The following DPP10 variants were observed in gnomAD, a reference collection of about 807,000 sequenced individuals.
The protein encoded by DPP10 is inactive dipeptidyl peptidase 10.
In DPP10, 33 loss-of-function variants were observed where a neutral mutation model predicts 120.9. That is an observed-to-expected ratio of 0.27 (90% CI 0.21 to 0.37). The LOEUF (loss-of-function observed/expected upper bound fraction) is 0.37, where lower values mean the gene tolerates loss of function less well. DPP10 is among the 10% of genes least tolerant of loss of function. DPP10 has a pLI of 1.00. For missense variants in DPP10, 816 were observed against 942.8 expected (o/e 0.87, Z 1.76); for synonymous variants, 337 against 326.1 (o/e 1.03, Z -0.36).
Position 115,753,291 on chromosome 2 carries a change from T to C in DPP10, c.1068T>C (p.Cys356=). The C allele has an allele frequency of 6.3e-7, 1 of 1,596,310 alleles. No individual in the cohort carries two copies. Among genetic ancestry groups the C allele is most frequent in the Non-Finnish European group, 8.5e-7 (1 of 1,170,376 alleles). ...TCTGTGAGACCACTACAGGTGCTTGTAGTAAAGTGAGTATAATTTATTTTT... is the reference window on the plus strand; with the variant it reads ...TCTGTGAGACCACTACAGGTGCTTGCAGTAAAGTGAGTATAATTTATTTTT... ...LTVCETTTGA[C]SKKYEMTSDT... The change falls in exon 11 of 26, where the codon TGT becomes TGC. Residue 356 remains cysteine (C), a synonymous_variant. Coordinates refer to ENST00000410059, the MANE Select transcript of DPP10 (RefSeq NM_020868.6).
At chr2:115,704,039 A>G (rs2091998018) in intron 7 of DPP10, among the ~76,000 whole-genome samples, 3 of 151,934 alleles carry the variant, frequency 2.0e-5, no homozygotes, top group Admixed American at 6.6e-5. Context: ...AGACTCCCAC[A>G]AGGTTATAAA....
intron 5 of DPP10, among the ~76,000 whole-genome samples, chr2:115,631,592 G>C (rs1227711581): frequency 2.0e-5 from 3 of 152,178 alleles, no homozygotes; most frequent in African/African-American, 4.8e-5. Context: ...CTGCATCCCA[G>C]TGATTTTGAT....
intron 1 of DPP10, chr2:115,064,861 G>A: frequency 7.7e-7 from 1 of 1,299,816 alleles, no homozygotes; most frequent in Non-Finnish European, 1.0e-6. Context: ...GTTTCTGATT[G>A]GGTTTCATTT....
intron 1 of DPP10, among the ~76,000 whole-genome samples, chr2:115,091,311 A>G (rs1435702207): frequency 6.6e-6 from 1 of 152,158 alleles, no homozygotes; most frequent in Non-Finnish European, 1.5e-5. Context: ...CATTTTCCAC[A>G]GAGTCATCAC....
At chr2:114,740,318 G>A (rs1677902802) in intron 1 of DPP10, among the ~76,000 whole-genome samples, 1 of 141,644 alleles carries the variant, frequency 7.1e-6, no homozygotes, top group African/African-American at 2.7e-5. Flanking sequence ...GAGAACACAT[G>A]GACACAGGAA....
At chr2:114,964,661 G>A (rs1046691122) in intron 1 of DPP10, among the ~76,000 whole-genome samples, 6 of 152,162 alleles carry the variant, frequency 3.9e-5, no homozygotes, top group African/African-American at 7.2e-5. Context: ...GGAGCTATAT[G>A]GTTGGAGCAG....
chr2:114,933,696 TAGA>T (rs1696248115), intron 1 of DPP10, among the ~76,000 whole-genome samples: 1 of 152,190 alleles, frequency 6.6e-6, no homozygotes, highest in Non-Finnish European at 1.5e-5. Flanking sequence ...TAAAAATAAC[TAGA>T]AGAATAGCCA....
At chr2:115,217,298 A>G (rs766425819) in intron 1 of DPP10, among the ~76,000 whole-genome samples, 6 of 152,210 alleles carry the variant, frequency 3.9e-5, no homozygotes, top group Admixed American at 2.0e-4. Context: ...ATAATACTAA[A>G]TGACCCTTTT....
At chr2:115,561,251 C>T (rs547740255) in intron 5 of DPP10, among the ~76,000 whole-genome samples, 3 of 145,056 alleles carry the variant, frequency 2.1e-5, no homozygotes, top group East Asian at 2.2e-4. Context: ...CCCAGCTACT[C>T]GGGAGGCTGA....
chr2:115,324,835 T>A (rs1188331732), intron 2 of DPP10, among the ~76,000 whole-genome samples: 1 of 152,142 alleles, frequency 6.6e-6, no homozygotes, highest in Non-Finnish European at 1.5e-5. Context: ...GTGACAGACA[T>A]TTGACTCTTC....
At chr2:115,123,602 G>T (rs186071350) in intron 1 of DPP10, among the ~76,000 whole-genome samples, 7 of 152,104 alleles carry the variant, frequency 4.6e-5, no homozygotes, top group Non-Finnish European at 8.8e-5. Flanking sequence ...ATCAGGAAGC[G>T]GCTGATGACA....
intron 11 of DPP10, among the ~76,000 whole-genome samples, chr2:115,758,767 T>C (rs1679743200): frequency 6.6e-6 from 1 of 152,084 alleles, no homozygotes; most frequent in South Asian, 2.1e-4. Flanking sequence ...TCAACTAAAT[T>C]GAATGGTTTG....
intron 1 of DPP10, among the ~76,000 whole-genome samples, chr2:114,608,292 C>T (rs993600218): frequency 6.6e-6 from 1 of 152,132 alleles, no homozygotes; most frequent in African/African-American, 2.4e-5. Flanking sequence ...AGCTGACATA[C>T]TTACCACTAA....
At chr2:114,599,889 TTAACA>T (rs1291431614) in intron 1 of DPP10, among the ~76,000 whole-genome samples, 1 of 151,808 alleles carries the variant, frequency 6.6e-6, no homozygotes, top group African/African-American at 2.4e-5. Flanking sequence ...TATATTAATA[TTAACA>T]TGTTTCAGTG....
At position 115,639,586 on chromosome 2, in the gene DPP10, G is replaced by T. The variant is rs183357409; in HGVS notation, c.442-50101G>T. On this transcript the variant is annotated intron_variant, in intron 5 of 25. Transcript: ENST00000410059. The stretch of plus-strand genomic sequence containing the variant: ...GCGAAGCAAGATTTACCTCTGAAAT[G>T]ACAGGAGGTCACAGGTACATGAAAC... Among the ~76,000 whole-genome samples the T allele has an allele frequency of 2.0e-5, 3 of 152,092 alleles. No individual in the cohort carries two copies. In the East Asian group the frequency reaches 5.8e-4, roughly 29 times the overall value.
intron 3 of DPP10, among the ~76,000 whole-genome samples, chr2:115,438,610 A>G (rs2071725480): frequency 6.6e-6 from 1 of 152,176 alleles, no homozygotes; most frequent in South Asian, 2.1e-4. Context: ...GATGAATCCT[A>G]AAATCATTAT....
At chr2:114,947,605 A>C (rs990367407) in intron 1 of DPP10, among the ~76,000 whole-genome samples, 3 of 151,876 alleles carry the variant, frequency 2.0e-5, no homozygotes, top group Admixed American at 6.6e-5. Flanking sequence ...TTAACATTAC[A>C]ATTTCAAAAG....
chr2:115,565,646 T>C (rs2080954736), intron 5 of DPP10, among the ~76,000 whole-genome samples: 1 of 152,174 alleles, frequency 6.6e-6, no homozygotes, highest in Non-Finnish European at 1.5e-5. Context: ...TAATCTTTCT[T>C]TGTGGACTTG....
intron 1 of DPP10, among the ~76,000 whole-genome samples, chr2:115,186,720 T>A (rs146657657): frequency 3.9e-5 from 6 of 152,230 alleles, no homozygotes; most frequent in African/African-American, 1.4e-4. Flanking sequence ...TAGGAGGTGG[T>A]GTGTGATGAG....
Sources: allele counts gnomAD v4.1 joint callset (sites outside exome capture counted in the v4.1 genomes callset), GRCh38; gene constraint gnomAD v4.1.1; transcripts MANE v1.5; gene names NCBI Gene and HGNC (gene_info 2026-07-23, HGNC 2026-07-21).